DENND2A: variants seen among roughly 807,000 people sequenced by gnomAD.
DENND2A encodes DENN domain containing 2A.
DENND2A carries 53 observed loss-of-function variants against 105.3 expected under a neutral mutation model. The ratio of observed to expected loss-of-function variants is 0.50; its 90% CI spans 0.40 to 0.63. The LOEUF is 0.63. Ranked by LOEUF, DENND2A falls within the 30% of genes least tolerant of loss-of-function variation. The pLI is 0.00. For missense variants in DENND2A, 1,138 were observed against 1,279.6 expected (o/e 0.89, Z 1.69); for synonymous variants, 522 against 508.4 (o/e 1.03, Z -0.36).
chr7:140,588,589 C>G (rs75395698), intron 3 of DENND2A, among the ~76,000 whole-genome samples: 5,492 of 152,058 alleles, frequency 0.036, 178 homozygotes, highest in African/African-American at 0.092. Flanking sequence ...CACAGCAACA[C>G]GCCCTGCTAA....
intron 15 of DENND2A, among the ~76,000 whole-genome samples, chr7:140,526,317 A>C (rs1243899266): frequency 6.6e-6 from 1 of 152,160 alleles, no homozygotes; most frequent in Non-Finnish European, 1.5e-5. Flanking sequence ...CAGAGTGAGA[A>C]TGAGACCTGG....
intron 1 of DENND2A, among the ~76,000 whole-genome samples, chr7:140,639,784 G>A (rs1348184603): frequency 6.6e-6 from 1 of 152,106 alleles, no homozygotes; most frequent in African/African-American, 2.4e-5. Context: ...CACTTCCCTT[G>A]CCCAATTTAC....
chr7:140,519,841 A>G (rs1795789347), intron 18 of DENND2A, 123 bp from the exon 19 acceptor site: 2 of 824,032 alleles, frequency 2.4e-6, no homozygotes, highest in African/African-American at 1.7e-5. Flanking sequence ...TCCTATAAAC[A>G]TGCTCTGAAT....
intron 3 of DENND2A, among the ~76,000 whole-genome samples, chr7:140,596,928 ATGT>A (rs1193846444): frequency 1.3e-5 from 2 of 152,238 alleles, no homozygotes; most frequent in African/African-American, 2.4e-5. Context: ...AACCAAGTTA[ATGT>A]TGTTGTAGGA....
chr7:140,635,427 G>A (rs563123583), intron 1 of DENND2A, among the ~76,000 whole-genome samples: 2 of 152,266 alleles, frequency 1.3e-5, no homozygotes, highest in East Asian at 3.9e-4. Flanking sequence ...GCTTGAAGTG[G>A]TCTGATAAGC....
intron 1 of DENND2A, among the ~76,000 whole-genome samples, chr7:140,637,363 A>G (rs1800985869): frequency 6.6e-6 from 1 of 152,254 alleles, no homozygotes; most frequent in African/African-American, 2.4e-5. Flanking sequence ...TAAAGGGCAC[A>G]TTAGCAATGT....
At chr7:140,590,743 G>A (rs995774517) in intron 3 of DENND2A, among the ~76,000 whole-genome samples, 2 of 152,080 alleles carry the variant, frequency 1.3e-5, no homozygotes, top group African/African-American at 2.4e-5. Context: ...ATGGTGGCAT[G>A]TGCCTGAAGT....
chr7:140,585,455 C>T (rs931275945), intron 5 of DENND2A, 134 bp downstream of exon 5: 97 of 1,231,308 alleles, frequency 7.9e-5, no homozygotes, highest in African/African-American at 6.6e-4. Context: ...AGTCAGCCAG[C>T]GTTGTACAAA....
Position 140,612,595 on chromosome 7 carries a change from G to A in DENND2A, c.-247-6789C>T, listed in dbSNP as rs564372666. On this transcript the variant is annotated intron_variant, in intron 1 of 19. Coordinates refer to ENST00000496613, the MANE Select transcript of DENND2A (RefSeq NM_015689.5). ...CAGCTCACTGCAACCTCCACCTCGC[G>A]GGTTCCAGCGATTCTCCTGCCTCAG... Among the ~76,000 whole-genome samples the A allele has an allele frequency of 7.2e-5, 11 of 151,766 alleles. No homozygotes were observed. In the East Asian group the frequency reaches 1.8e-3, roughly 24 times the overall value.
chr7:140,549,126 T>G (rs1365980583), intron 12 of DENND2A, among the ~76,000 whole-genome samples: 2 of 151,656 alleles, frequency 1.3e-5, no homozygotes, highest in African/African-American at 4.8e-5. Flanking sequence ...CATGGGAGGC[T>G]GAAGCAGAAG....
chr7:140,538,819 T>C (rs185534287), intron 14 of DENND2A, among the ~76,000 whole-genome samples: 1 of 150,924 alleles, frequency 6.6e-6, no homozygotes, highest in Non-Finnish European at 1.5e-5. Context: ...TTTTAAAAAA[T>C]TTTTTCTTTC....
intron 5 of DENND2A, among the ~76,000 whole-genome samples, chr7:140,585,384 T>C (rs1459317170): frequency 6.6e-6 from 1 of 152,152 alleles, no homozygotes; most frequent in Non-Finnish European, 1.5e-5. Flanking sequence ...AGAATCTCAA[T>C]CGTATTTTAG....
chr7:140,608,502 C>CATCG (rs1799773806), intron 1 of DENND2A, among the ~76,000 whole-genome samples: 1 of 151,944 alleles, frequency 6.6e-6, no homozygotes, highest in Non-Finnish European at 1.5e-5. Context: ...CATGGCAAAA[C>CATCG]ATCGTCTCTA....
chr7:140,626,386 C>G (rs770950768), intron 1 of DENND2A, among the ~76,000 whole-genome samples: 4 of 152,096 alleles, frequency 2.6e-5, no homozygotes, highest in Non-Finnish European at 5.9e-5. Context: ...TTTGATCTGA[C>G]CTCACTGGAT....
intron 1 of DENND2A, among the ~76,000 whole-genome samples, chr7:140,639,874 C>T (rs1437471600): frequency 6.6e-6 from 1 of 152,234 alleles, no homozygotes; most frequent in Non-Finnish European, 1.5e-5. Flanking sequence ...AGGTCTGGCT[C>T]TACTCCGTGG....
chr7:140,533,538 A>G (rs903781604), intron 14 of DENND2A, among the ~76,000 whole-genome samples: 1 of 152,214 alleles, frequency 6.6e-6, no homozygotes, highest in Non-Finnish European at 1.5e-5. Flanking sequence ...AGGTCAGGAA[A>G]GATGACCAGC....
intron 12 of DENND2A, among the ~76,000 whole-genome samples, chr7:140,553,620 C>T (rs749006483): frequency 2.6e-5 from 4 of 152,170 alleles, no homozygotes; most frequent in Admixed American, 1.3e-4. Flanking sequence ...CAATACCTGG[C>T]TTTCCTAGGC....
intron 5 of DENND2A, among the ~76,000 whole-genome samples, chr7:140,575,771 C>T (rs1798272055): frequency 1.3e-5 from 2 of 151,996 alleles, no homozygotes; most frequent in South Asian, 4.1e-4. Flanking sequence ...AGTTCGAGAC[C>T]AGCCTGACCA....
intron 1 of DENND2A, among the ~76,000 whole-genome samples, chr7:140,610,142 AT>A (rs537471796): frequency 9.8e-4 from 115 of 117,296 alleles, no homozygotes; most frequent in Middle Eastern, 4.0e-3. Flanking sequence ...ATTAAAAAAA[AT>A]TTTTTTTAGT....
Sources: allele counts gnomAD v4.1 joint callset (sites outside exome capture counted in the v4.1 genomes callset), GRCh38; gene constraint gnomAD v4.1.1; transcripts MANE v1.5; gene names NCBI Gene and HGNC (gene_info 2026-07-23, HGNC 2026-07-21).